The following MPP7 variants were observed in gnomAD, a reference collection of about 807,000 sequenced individuals.
The protein encoded by MPP7 is MAGUK p55 scaffold protein 7.
A neutral mutation model predicts 76.5 loss-of-function variants in MPP7; 60 were observed. That is an observed-to-expected ratio of 0.78 (90% CI 0.64 to 0.97). The LOEUF is 0.97. Among genes scored for constraint, MPP7 ranks in the 50% least tolerant of loss-of-function variants. MPP7 has a pLI of 0.00. For synonymous variants in MPP7, 237 were observed against 244.5 expected (o/e 0.97, Z 0.29); for missense variants, 641 against 694.0 (o/e 0.92, Z 0.86).
At chr10:28,241,054 C>T (rs1472807966) in intron 1 of MPP7, among the ~76,000 whole-genome samples, 2 of 152,068 alleles carry the variant, frequency 1.3e-5, no homozygotes, top group East Asian at 3.8e-4. Flanking sequence ...GTACACCATG[C>T]AACCTATCAC....
chr10:28,126,764 G>C, intron 6 of MPP7, among the ~76,000 whole-genome samples: 1 of 152,270 alleles, frequency 6.6e-6, no homozygotes, highest in African/African-American at 2.4e-5. Flanking sequence ...GGCTTCAAAG[G>C]CTATAAGAAG....
intron 11 of MPP7, among the ~76,000 whole-genome samples, chr10:28,108,994 T>C (rs1252287570): frequency 6.6e-6 from 1 of 151,886 alleles, no homozygotes; most frequent in Non-Finnish European, 1.5e-5. Context: ...TAAAAAAGCA[T>C]AAACAAAAAG....
At chr10:28,147,406 T>A (rs562501351) in intron 5 of MPP7, 77 bp downstream of exon 5, 1 of 1,158,998 alleles carries the variant, frequency 8.6e-7, no homozygotes, top group South Asian at 1.2e-5. Context: ...GAATTGATGC[T>A]CGAAACAAAA....
chr10:28,126,626 A>C (rs577863693), intron 6 of MPP7, among the ~76,000 whole-genome samples: 1 of 152,242 alleles, frequency 6.6e-6, no homozygotes, highest in Non-Finnish European at 1.5e-5. Flanking sequence ...CCTTTCGTTC[A>C]TAAGTTCATT....
chr10:28,311,787 A>C (rs533863978), intron 2 of MPP7, among the ~76,000 whole-genome samples: 12 of 137,900 alleles, frequency 8.7e-5, no homozygotes, highest in African/African-American at 2.9e-4. Flanking sequence ...CACACACACA[A>C]ACACTGAGAT....
chr10:28,188,179 C>G (rs1361233192), intron 3 of MPP7, among the ~76,000 whole-genome samples: 1 of 152,092 alleles, frequency 6.6e-6, no homozygotes, highest in African/African-American at 2.4e-5. Flanking sequence ...TAAACTCCCA[C>G]CAAGTGTCAT....
chr10:28,251,339 G>A (rs1159734935), intron 1 of MPP7, among the ~76,000 whole-genome samples: 1 of 152,064 alleles, frequency 6.6e-6, no homozygotes, highest in Non-Finnish European at 1.5e-5. Context: ...GTACATGCCT[G>A]TAGTCCCAGC....
At chr10:28,143,435 GAACAT>G (rs1835592228) in intron 5 of MPP7, among the ~76,000 whole-genome samples, 1 of 151,890 alleles carries the variant, frequency 6.6e-6, no homozygotes. Flanking sequence ...AAGTAAAAGT[GAACAT>G]AATAAATTAT....
At chr10:28,120,105 A>G (rs1834784850) in intron 10 of MPP7, 89 bp downstream of exon 10, 20 of 1,362,842 alleles carry the variant, frequency 1.5e-5, no homozygotes, top group Non-Finnish European at 2.0e-5. Flanking sequence ...GTTTTATAGC[A>G]TATTTTATCA....
At chr10:28,157,346 C>T (rs762696616) in intron 3 of MPP7, among the ~76,000 whole-genome samples, 1 of 152,158 alleles carries the variant, frequency 6.6e-6, no homozygotes, top group Admixed American at 6.5e-5. Flanking sequence ...GACCCTCTGC[C>T]CACAAGCCCA....
At chr10:28,193,208 G>GTT (rs1564691376) in intron 3 of MPP7, among the ~76,000 whole-genome samples, 1 of 140,594 alleles carries the variant, frequency 7.1e-6, no homozygotes, top group African/African-American at 2.9e-5. Flanking sequence ...TGTTTGGTTG[G>GTT]TTTTTTGTTT....
chr10:28,086,541 C>T (rs1352796270), intron 12 of MPP7, among the ~76,000 whole-genome samples: 1 of 152,142 alleles, frequency 6.6e-6, no homozygotes, highest in African/African-American at 2.4e-5. Flanking sequence ...AGCGAAAATA[C>T]CTCAGGTCAT....
At chr10:28,298,482 C>T (rs1841081525) in intron 1 of MPP7, among the ~76,000 whole-genome samples, 1 of 152,204 alleles carries the variant, frequency 6.6e-6, no homozygotes, top group Non-Finnish European at 1.5e-5. Context: ...TGGGTCTCGA[C>T]AGTGAGCTTA....
chr10:28,248,432 G>A (rs186248370), intron 1 of MPP7, among the ~76,000 whole-genome samples: 22 of 152,246 alleles, frequency 1.4e-4, no homozygotes, highest in Admixed American at 2.6e-4. Context: ...GCACTCCGAC[G>A]CGGCTCAAGT....
intron 10 of MPP7, 42 bp downstream of exon 10, chr10:28,120,152 G>C (rs374166391): frequency 1.7e-5 from 27 of 1,578,234 alleles, no homozygotes; most frequent in Non-Finnish European, 2.3e-5. Context: ...GAGAACAAAA[G>C]GTCAGCTGGA....
chr10:28,189,021 C>CA (rs993718359), intron 3 of MPP7, among the ~76,000 whole-genome samples: 13 of 150,722 alleles, frequency 8.6e-5, no homozygotes, highest in Non-Finnish European at 1.6e-4. Context: ...CGGATCTACA[C>CA]AAAAAAAAGG....
Position 28,120,397 on chromosome 10 carries a change from G to T in MPP7, c.691-7C>A. 1 of 1,603,690 alleles carries T rather than the reference G, an allele frequency of 6.2e-7. No individual in the cohort carries two copies. The highest frequency in any genetic ancestry group is 8.5e-7 in the Non-Finnish European group (1 of 1,175,868). ...AGAGGGCTTTGATAAACATCTGGAA[G>T]AAAAGTTTCATTAAAGATGAATAAA... On this transcript the variant is annotated splice_region_variant and splice_polypyrimidine_tract_variant and intron_variant, in intron 9 of 16. Coordinates refer to ENST00000683449, the MANE Select transcript of MPP7 (RefSeq NM_001318170.2).
intron 11 of MPP7, among the ~76,000 whole-genome samples, chr10:28,099,092 T>A (rs150521486): frequency 6.6e-6 from 1 of 152,172 alleles, no homozygotes; most frequent in African/African-American, 2.4e-5. Context: ...TAATAAAATA[T>A]TGACCTTTAA....
rs774879500 is a variant in MPP7, at chr10:28,302,422, TGAA to T, written c.-132+436_-132+438del. ...AAACATGTAATTAACACGACCCAAGTGAAGACGCCTTTCTGGCTTAGGGAAAGA... is the reference window on the plus strand; with the variant it reads ...AAACATGTAATTAACACGACCCAAGTGACGCCTTTCTGGCTTAGGGAAAGA... On this transcript the variant is annotated intron_variant, in intron 1 of 16. Coordinates refer to ENST00000683449, the MANE Select transcript of MPP7 (RefSeq NM_001318170.2). 1.8e-3 allele frequency among the ~76,000 whole-genome samples: 279 copies of T among 152,336 alleles called. 1 individual carries two copies. Among genetic ancestry groups the T allele is most frequent in the Non-Finnish European group, 2.7e-3 (182 of 68,032 alleles).
Sources: allele counts gnomAD v4.1 joint callset (sites outside exome capture counted in the v4.1 genomes callset), GRCh38; gene constraint gnomAD v4.1.1; transcripts MANE v1.5; gene names NCBI Gene and HGNC (gene_info 2026-07-23, HGNC 2026-07-21).